The following CACNA1A variants were observed in gnomAD, a reference collection of about 807,000 sequenced individuals.
The protein encoded by CACNA1A is voltage-dependent P/Q-type calcium channel subunit alpha-1A.
In CACNA1A, 57 loss-of-function variants were observed where a neutral mutation model predicts 262.4. The observed-to-expected ratio is 0.22, with a 90% confidence interval of 0.18 to 0.27. The LOEUF is 0.27. Ranked by LOEUF, CACNA1A falls within the 10% of genes least tolerant of loss-of-function variation. The probability of loss-of-function intolerance (pLI) is 1.00; values close to 1 mark genes in which losing one functional copy is unlikely to be tolerated. For missense variants in CACNA1A, 2,526 were observed against 3,562.8 expected (o/e 0.71, Z 7.41); for synonymous variants, 1,431 against 1,419.3 (o/e 1.01, Z -0.18).
At chr19:13,386,162 A>AT (rs1230678764) in intron 3 of CACNA1A, among the ~76,000 whole-genome samples, 2 of 146,562 alleles carry the variant, frequency 1.4e-5, no homozygotes, top group African/African-American at 5.1e-5. Flanking sequence ...TAAAAAAAAA[A>AT]AAAAAAGAAG....
In CACNA1A at chr19:13,331,390, T is replaced by C. The variant is rs139321537; in HGVS notation, c.1256-1057A>G. On this transcript the variant is annotated intron_variant, in intron 9 of 46. Transcript: ENST00000360228. ...TAGCTGGGATTACAGGCGTGTGCCA[T>C]GACACCTAGCTAATTTTTGTATTTT... Among the ~76,000 whole-genome samples, 1,281 of 151,694 alleles carry C rather than the reference T, an allele frequency of 8.4e-3. 12 individuals carry two copies. The highest frequency in any genetic ancestry group is 0.029 in the African/African-American group (1,209 of 41,370).
chr19:13,442,806 A>G (rs950417233), intron 3 of CACNA1A, among the ~76,000 whole-genome samples: 3 of 152,204 alleles, frequency 2.0e-5, no homozygotes, highest in African/African-American at 7.2e-5. Flanking sequence ...GCCATAGTGG[A>G]ACCCAAGATC....
chr19:13,308,547 T>C lies in CACNA1A; in HGVS notation c.1669-19A>G. 1 of 1,512,326 alleles carries C rather than the reference T, an allele frequency of 6.6e-7. No homozygotes were observed. The highest frequency in any genetic ancestry group is 1.2e-5 in the South Asian group (1 of 86,310). 93.7% of individuals were successfully genotyped at this position (1,512,326 alleles called of 1,614,324 possible). ...TGATAACCTAGGGCAGAGAACCTGG[T>C]CTCATGTCCAGGGACAGTGTCTGGG... On this transcript the variant is annotated intron_variant, in intron 12 of 46. Coordinates refer to ENST00000360228, the MANE Select transcript of CACNA1A (RefSeq NM_001127222.2). This position sits in a 1 kb window ranked among gnomAD's most constrained non-coding sequence, Gnocchi z 4.2.
intron 19 of CACNA1A, among the ~76,000 whole-genome samples, chr19:13,297,665 A>G (rs1044867849): frequency 6.6e-6 from 1 of 152,128 alleles, no homozygotes; most frequent in African/African-American, 2.4e-5. Flanking sequence ...TGTCTCTACA[A>G]AAATTAGCCA....
chr19:13,281,426 G>A (rs565040229), intron 22 of CACNA1A, among the ~76,000 whole-genome samples: 1 of 148,084 alleles, frequency 6.8e-6, no homozygotes. Context: ...AAAGAGAGAA[G>A]CCAAAAACGC....
intron 37 of CACNA1A, chr19:13,225,773 C>G (rs1055432458): frequency 3.3e-5 from 5 of 152,168 alleles, no homozygotes; most frequent in African/African-American, 1.2e-4. Context: ...ATAGACTGGG[C>G]CACTGTGCAC....
intron 3 of CACNA1A, among the ~76,000 whole-genome samples, chr19:13,441,307 A>T (rs1337590299): frequency 1.3e-5 from 2 of 152,100 alleles, no homozygotes; most frequent in Non-Finnish European, 2.9e-5. Context: ...TCATTTAGAG[A>T]TGCCTGCACA....
intron 3 of CACNA1A, among the ~76,000 whole-genome samples, chr19:13,428,618 T>G (rs372450139): frequency 6.6e-6 from 1 of 152,132 alleles, no homozygotes; most frequent in South Asian, 2.1e-4. Flanking sequence ...GTGGCATCGT[T>G]CCATTTCACA....
At chr19:13,473,238 G>A (rs1051940613) in intron 1 of CACNA1A, among the ~76,000 whole-genome samples, 3 of 144,298 alleles carry the variant, frequency 2.1e-5, no homozygotes, top group Non-Finnish European at 3.0e-5. Context: ...CAGGGTGACA[G>A]AGTGAGGCCC....
At chr19:13,497,506 AAAAAAAAAAAAAAAAATATAT>A (rs1981715274) in intron 1 of CACNA1A, among the ~76,000 whole-genome samples, 1 of 41,650 alleles carries the variant, frequency 2.4e-5, no homozygotes, top group African/African-American at 9.9e-5. Flanking sequence ...AAAAAAAAAA[AAAAAAAAAAAAAAAAATATAT>A]ATATATATAT....
At chr19:13,300,940 A>G (rs60965377) in intron 17 of CACNA1A, among the ~76,000 whole-genome samples, 4 of 150,648 alleles carry the variant, frequency 2.7e-5, no homozygotes, top group Non-Finnish European at 3.0e-5. Flanking sequence ...CCTGCAGCCT[A>G]TTTTTTTTTC....
chr19:13,460,782 C>T (rs2061107194), intron 1 of CACNA1A, among the ~76,000 whole-genome samples: 1 of 152,144 alleles, frequency 6.6e-6, no homozygotes, highest in African/African-American at 2.4e-5. Flanking sequence ...TTTCCCCAGA[C>T]ATCCACATGA....
chr19:13,431,635 T>C (rs1376358576), intron 3 of CACNA1A, among the ~76,000 whole-genome samples: 1 of 152,066 alleles, frequency 6.6e-6, no homozygotes, highest in Non-Finnish European at 1.5e-5. Context: ...TGTCCATCAG[T>C]AAAGGAATGG....
intron 12 of CACNA1A, among the ~76,000 whole-genome samples, chr19:13,310,013 A>G (rs956585168): frequency 6.6e-6 from 1 of 152,014 alleles, no homozygotes; most frequent in African/African-American, 2.4e-5. Context: ...CCACTAATCT[A>G]CTTTCTGTCT....
intron 25 of CACNA1A, 118 bp from the exon 26 acceptor site, chr19:13,261,728 A>T: frequency 1.0e-6 from 1 of 1,004,802 alleles, no homozygotes; most frequent in Non-Finnish European, 1.5e-6. Flanking sequence ...AGGCAAGGTC[A>T]TAAGTCAAGT....
chr19:13,251,131 CA>C (rs60032613), intron 30 of CACNA1A, among the ~76,000 whole-genome samples: 94 of 131,462 alleles, frequency 7.2e-4, no homozygotes, highest in Non-Finnish European at 7.7e-4. Flanking sequence ...GACTGTGTCT[CA>C]AAAAAAAAAA....
intron 18 of CACNA1A, among the ~76,000 whole-genome samples, chr19:13,299,644 TATTCG>T (rs1352805456): frequency 6.6e-6 from 1 of 152,128 alleles, no homozygotes; most frequent in African/African-American, 2.4e-5. Context: ...TCACACTTAC[TATTCG>T]ATTCTAGTCA....
At chr19:13,257,584 C>G in intron 27 of CACNA1A, 33 bp from the exon 28 acceptor site, 2 of 1,484,860 alleles carry the variant, frequency 1.3e-6, no homozygotes, top group Non-Finnish European at 1.8e-6. Context: ...AGGGAAGGGG[C>G]AGGAAGGAGA....
intron 3 of CACNA1A, among the ~76,000 whole-genome samples, chr19:13,388,476 G>A (rs1012265306): frequency 3.3e-5 from 5 of 151,822 alleles, no homozygotes; most frequent in African/African-American, 7.3e-5. Flanking sequence ...GGCTGGTCTC[G>A]AACTCCTGAC....
Sources: allele counts gnomAD v4.1 joint callset (sites outside exome capture counted in the v4.1 genomes callset), GRCh38; gene constraint gnomAD v4.1.1; non-coding constraint Gnocchi (gnomAD v3.1); transcripts MANE v1.5; gene names NCBI Gene and HGNC (gene_info 2026-07-23, HGNC 2026-07-21).